ATP8A2: variants seen among roughly 807,000 people sequenced by gnomAD.
The protein encoded by ATP8A2 is ATPase phospholipid transporting 8A2.
Under a neutral mutation model 165.6 loss-of-function variants are expected in ATP8A2, and 100 were observed. The observed-to-expected ratio is 0.60, with a 90% CI of 0.51 to 0.71. The LOEUF (loss-of-function observed/expected upper bound fraction) is 0.71, where lower values mean the gene tolerates loss of function less well. ATP8A2 is among the 30% of genes least tolerant of loss of function. ATP8A2 has a pLI of 0.00. For synonymous variants in ATP8A2, 543 were observed against 548.8 expected, an observed-to-expected ratio of 0.99 and a Z score of 0.15; for missense variants, 1,227 against 1,479.5, an observed-to-expected ratio of 0.83 and a Z score of 2.80.
chr13:25,877,614 G>A (rs1172486791), intron 33 of ATP8A2, among the ~76,000 whole-genome samples: 3 of 152,146 alleles, frequency 2.0e-5, no homozygotes, highest in Admixed American at 6.5e-5. Flanking sequence ...TTCCAGTTCA[G>A]TAGTAGTTAC....
In ATP8A2 at chr13:26,004,129, T is replaced by G. The variant is rs558835114; in HGVS notation, c.3378-8402T>G. 1.2e-4 allele frequency among the ~76,000 whole-genome samples: 19 copies of G among 152,060 alleles called. No homozygotes were observed. The South Asian group carries it at 3.1e-3, about 25-fold the overall frequency. ...TTGTGTAGTATGATTATTTTAACAA[T>G]AGTGTTGTTTTACAGTTCATGAGCA... is the stretch of plus-strand genomic sequence containing the variant. On this transcript the variant is annotated intron_variant, in intron 35 of 36. Transcript: ENST00000381655.
chr13:25,747,998 T>A (rs1383698088), intron 25 of ATP8A2, among the ~76,000 whole-genome samples: 2 of 152,200 alleles, frequency 1.3e-5, no homozygotes. Context: ...AGAAAATCTA[T>A]AAGGGTTAAC....
Position 25,559,701 on chromosome 13 carries a change from G to C in ATP8A2, c.1353-20G>C. On this transcript the variant is annotated intron_variant, in intron 14 of 36. Coordinates refer to ENST00000381655, the MANE Select transcript of ATP8A2 (RefSeq NM_016529.6). ...TTGATCACAGTTTTGTGACCACTCT[G>C]TTTTCCGTTTCTCTGGCAGTCACTT... 2 of 1,609,062 alleles carry C rather than the reference G, an allele frequency of 1.2e-6. No homozygotes were observed. The highest frequency in any genetic ancestry group is 1.7e-6 in the Non-Finnish European group (2 of 1,175,554).
chr13:25,388,085 C>T (rs1323728878), intron 1 of ATP8A2, among the ~76,000 whole-genome samples: 3 of 151,408 alleles, frequency 2.0e-5, no homozygotes, highest in Admixed American at 6.6e-5. Context: ...AATCTCTTTA[C>T]TAGTGTTTTC....
intron 24 of ATP8A2, among the ~76,000 whole-genome samples, chr13:25,606,850 T>C (rs779702824): frequency 1.3e-5 from 2 of 152,156 alleles, no homozygotes; most frequent in African/African-American, 2.4e-5. Context: ...TTTTAAGTAA[T>C]TTAAATTTTA....
chr13:25,788,117 G>A (rs551631258), intron 27 of ATP8A2, among the ~76,000 whole-genome samples: 52 of 152,266 alleles, frequency 3.4e-4, no homozygotes, highest in African/African-American at 1.1e-3. Flanking sequence ...AGCTCAAGCC[G>A]TGAAAACTTG....
At chr13:25,829,467 C>G (rs1285112387) in intron 28 of ATP8A2, among the ~76,000 whole-genome samples, 3 of 151,680 alleles carry the variant, frequency 2.0e-5, no homozygotes, top group Admixed American at 1.3e-4. Context: ...AACTCTGTAC[C>G]TCCTGAAACT....
chr13:25,372,086 C>G lies in ATP8A2; in HGVS notation c.-127C>G. 1 of 586,486 alleles carries G rather than the reference C, an allele frequency of 1.7e-6. No individual in the cohort carries two copies. Among genetic ancestry groups the G allele is most frequent in the East Asian group, 4.3e-5 (1 of 23,278 alleles). The allele number at this position is 586,486 out of a possible 1,614,324, so 36.3% of individuals were successfully genotyped here. ...GCGGCCCGGCACAGGCGCCGGCGGT[C>G]CCCGCCAGCTAGCAGCCCGGCGAGG... is the stretch of plus-strand genomic sequence containing the variant. On this transcript the variant is annotated 5_prime_UTR_variant, in exon 1 of 37. Coordinates refer to ENST00000381655, the MANE Select transcript of ATP8A2 (RefSeq NM_016529.6). The surrounding 1 kb of genome is among the most constrained non-coding windows in gnomAD (Gnocchi z 4.8).
At chr13:25,591,843 G>A (rs2040089598) in intron 24 of ATP8A2, among the ~76,000 whole-genome samples, 1 of 152,150 alleles carries the variant, frequency 6.6e-6, no homozygotes, top group East Asian at 1.9e-4. Flanking sequence ...TGCTATAAAT[G>A]TGGATATACA....
At chr13:25,889,246 A>T (rs922422834) in intron 33 of ATP8A2, among the ~76,000 whole-genome samples, 3 of 17,958 alleles carry the variant, frequency 1.7e-4, no homozygotes, top group Non-Finnish European at 2.5e-4. Context: ...ATCCTTTGTC[A>T]TATATATATA....
rs575545186 is a variant in ATP8A2, at chr13:25,620,676, C to T, written c.2211+30977C>T. Among the ~76,000 whole-genome samples the T allele has an allele frequency of 2.7e-4, 41 of 152,152 alleles. 1 individual carries two copies. In the East Asian group the frequency reaches 6.4e-3, roughly 24 times the overall value. ...GTGTGAAATAGATATGTTTAAAAAT[C>T]CTCATATTACCTTGGAAAATAATTT... On this transcript the variant is annotated intron_variant, in intron 24 of 36. Coordinates refer to ENST00000381655, the MANE Select transcript of ATP8A2 (RefSeq NM_016529.6).
At chr13:25,919,685 A>G (rs935940755) in intron 33 of ATP8A2, among the ~76,000 whole-genome samples, 3 of 152,070 alleles carry the variant, frequency 2.0e-5, no homozygotes, top group African/African-American at 7.2e-5. Context: ...AACTAGTCTC[A>G]CCTGAGTCGG....
chr13:25,468,851 G>T, intron 1 of ATP8A2, 126 bp from the exon 2 acceptor site: 3 of 1,434,488 alleles, frequency 2.1e-6, no homozygotes, highest in South Asian at 3.0e-5. Context: ...GTACGTAGGC[G>T]GCGTCCGCCT....
intron 10 of ATP8A2, among the ~76,000 whole-genome samples, chr13:25,547,158 AAAAATAAACAAAT>A (rs2038678050): frequency 6.6e-6 from 1 of 151,852 alleles, no homozygotes; most frequent in Non-Finnish European, 1.5e-5. Context: ...AATAAAAATA[AAAAATAAACAAAT>A]AAAATAAACA....
At chr13:25,823,443 GAC>G (rs1428815318) in intron 27 of ATP8A2, among the ~76,000 whole-genome samples, 3 of 151,860 alleles carry the variant, frequency 2.0e-5, no homozygotes, top group Non-Finnish European at 4.4e-5. Context: ...ATTAATATAA[GAC>G]ACGTGTTTAA....
At chr13:25,714,089 CA>C (rs2043206780) in intron 25 of ATP8A2, among the ~76,000 whole-genome samples, 1 of 151,312 alleles carries the variant, frequency 6.6e-6, no homozygotes, top group African/African-American at 2.4e-5. Flanking sequence ...GTTTGGTGTT[CA>C]AAAAGAAGCT....
chr13:25,888,817 C>G lies in ATP8A2; in HGVS notation c.3183+26409C>G, dbSNP rs555866922. Among the ~76,000 whole-genome samples, 26 of 152,294 alleles carry G rather than the reference C, an allele frequency of 1.7e-4. No individual in the cohort carries two copies. In the South Asian group the frequency reaches 5.4e-3, roughly 32 times the overall value. On this transcript the variant is annotated intron_variant, in intron 33 of 36. Transcript: ENST00000381655. ...GAGGTTGCGATGAGTCAAGATCGCA[C>G]CATTGCGCTCCAGCCTGGGCGACAA...
intron 25 of ATP8A2, among the ~76,000 whole-genome samples, chr13:25,723,535 T>C (rs2043429449): frequency 6.6e-6 from 1 of 152,172 alleles, no homozygotes; most frequent in African/African-American, 2.4e-5. Context: ...ACTTTTGGCT[T>C]TTCTGTATTG....
chr13:25,895,137 T>C (rs2138918622), intron 33 of ATP8A2, among the ~76,000 whole-genome samples: 1 of 152,304 alleles, frequency 6.6e-6, no homozygotes, highest in African/African-American at 2.4e-5. Context: ...ATGCTTCCAG[T>C]TTTTGTCCAT....
Sources: allele counts gnomAD v4.1 joint callset (sites outside exome capture counted in the v4.1 genomes callset), GRCh38; gene constraint gnomAD v4.1.1; non-coding constraint Gnocchi (gnomAD v3.1); transcripts MANE v1.5; gene names NCBI Gene and HGNC (gene_info 2026-07-23, HGNC 2026-07-21).